Variants in EXOC6B observed in about 807,000 individuals in gnomAD.
EXOC6B encodes the protein exocyst complex component 6B.
Under a neutral mutation model 113.5 loss-of-function variants are expected in EXOC6B, and 54 were observed. The ratio of observed to expected loss-of-function variants is 0.48; its 90% CI spans 0.38 to 0.60. The LOEUF (loss-of-function observed/expected upper bound fraction) is 0.60. Among genes scored for constraint, EXOC6B ranks in the 20% least tolerant of loss-of-function variants. The pLI is 0.00. For missense variants in EXOC6B, 797 were observed against 977.5 expected, an observed-to-expected ratio of 0.82 and a Z score of 2.46; for synonymous variants, 357 against 339.0, an observed-to-expected ratio of 1.05 and a Z score of -0.58.
intron 18 of EXOC6B, among the ~76,000 whole-genome samples, chr2:72,407,409 C>A: frequency 6.6e-6 from 1 of 151,970 alleles, no homozygotes; most frequent in South Asian, 2.1e-4. Flanking sequence ...AGAGACATAA[C>A]AAAAAAAGAG....
chr2:72,390,924 A>T (rs1290067222), intron 18 of EXOC6B, among the ~76,000 whole-genome samples: 1 of 152,220 alleles, frequency 6.6e-6, no homozygotes, highest in East Asian at 1.9e-4. Flanking sequence ...ATTCAGCCAA[A>T]GCCTCAAAAG....
chr2:72,514,569 T>G (rs1275890760), intron 10 of EXOC6B, 65 bp downstream of exon 10: 1 of 277,978 alleles, frequency 3.6e-6, no homozygotes, highest in Non-Finnish European at 6.2e-6. Context: ...GGAAAGAGTA[T>G]AAATTTCAAT....
chr2:72,800,347 A>G (rs1260734559), intron 1 of EXOC6B, among the ~76,000 whole-genome samples: 3 of 152,174 alleles, frequency 2.0e-5, no homozygotes, highest in African/African-American at 7.2e-5. Context: ...GGAAAGATAA[A>G]TTGATTTGAC....
At chr2:72,386,532 T>C (rs368818498) in intron 18 of EXOC6B, among the ~76,000 whole-genome samples, 38 of 152,216 alleles carry the variant, frequency 2.5e-4, no homozygotes, top group Non-Finnish European at 5.3e-4. Flanking sequence ...CACTACCCTG[T>C]GCAGCCTCAA....
At chr2:72,395,700 C>A (rs1271367518) in intron 18 of EXOC6B, among the ~76,000 whole-genome samples, 1 of 152,058 alleles carries the variant, frequency 6.6e-6, no homozygotes, top group Non-Finnish European at 1.5e-5. Context: ...TTCATATTAA[C>A]TTAGGGTCAA....
intron 18 of EXOC6B, among the ~76,000 whole-genome samples, chr2:72,395,369 C>T (rs1692658611): frequency 6.6e-6 from 1 of 152,128 alleles, no homozygotes; most frequent in African/African-American, 2.4e-5. Context: ...GGTCAATACC[C>T]TAAATAAGAG....
intron 6 of EXOC6B, among the ~76,000 whole-genome samples, chr2:72,683,844 T>C (rs1440472108): frequency 6.6e-6 from 1 of 152,154 alleles, no homozygotes; most frequent in East Asian, 1.9e-4. Context: ...TCATTCCACC[T>C]TTTTTTCTTT....
chr2:72,313,553 C>A (rs1345461322), intron 20 of EXOC6B, among the ~76,000 whole-genome samples: 1 of 151,876 alleles, frequency 6.6e-6, no homozygotes, highest in Non-Finnish European at 1.5e-5. Flanking sequence ...TGTAAAATTA[C>A]CACTAGATTC....
At chr2:72,322,843 G>C (rs1356019434) in intron 20 of EXOC6B, among the ~76,000 whole-genome samples, 1 of 152,116 alleles carries the variant, frequency 6.6e-6, no homozygotes, top group Non-Finnish European at 1.5e-5. Flanking sequence ...ATTAACTCAA[G>C]CTGGATTAAA....
At chr2:72,297,745 A>T (rs1686229071) in intron 20 of EXOC6B, among the ~76,000 whole-genome samples, 1 of 152,068 alleles carries the variant, frequency 6.6e-6, no homozygotes, top group Admixed American at 6.5e-5. Context: ...TAATTTTGTT[A>T]TTTACCCAGT....
At chr2:72,646,921 A>G (rs1242530571) in intron 6 of EXOC6B, among the ~76,000 whole-genome samples, 1 of 152,200 alleles carries the variant, frequency 6.6e-6, no homozygotes, top group African/African-American at 2.4e-5. Flanking sequence ...CACCACTCCT[A>G]TTCAACATAA....
intron 18 of EXOC6B, among the ~76,000 whole-genome samples, chr2:72,430,806 T>A (rs1249524195): frequency 6.6e-6 from 1 of 152,214 alleles, no homozygotes; most frequent in African/African-American, 2.4e-5. Flanking sequence ...GAAGAATTCC[T>A]AAATGTCACT....
intron 1 of EXOC6B, among the ~76,000 whole-genome samples, chr2:72,799,147 G>GGA (rs1292779353): frequency 6.8e-6 from 1 of 147,700 alleles, no homozygotes; most frequent in Non-Finnish European, 1.5e-5. Flanking sequence ...GGCTGAGGCA[G>GGA]GAGAATCGCT....
intron 6 of EXOC6B, among the ~76,000 whole-genome samples, chr2:72,686,505 AG>A (rs1202333329): frequency 2.0e-5 from 3 of 152,346 alleles, no homozygotes; most frequent in East Asian, 3.9e-4. Flanking sequence ...CTTATGAATA[AG>A]GTACAGATTT....
At chr2:72,263,607 T>G (rs1170213698) in intron 20 of EXOC6B, among the ~76,000 whole-genome samples, 1 of 152,206 alleles carries the variant, frequency 6.6e-6, no homozygotes, top group Non-Finnish European at 1.5e-5. Flanking sequence ...AATTGTCTAT[T>G]CTTTCCCAAA....
At chr2:72,213,453 T>C (rs910004498) in intron 20 of EXOC6B, among the ~76,000 whole-genome samples, 9 of 141,456 alleles carry the variant, frequency 6.4e-5, no homozygotes, top group Non-Finnish European at 1.1e-4. Flanking sequence ...GCCATCTGTT[T>C]TGTAAACTTA....
intron 18 of EXOC6B, among the ~76,000 whole-genome samples, chr2:72,410,563 A>G (rs578223195): frequency 2.0e-4 from 31 of 152,364 alleles, no homozygotes; most frequent in African/African-American, 6.5e-4. Context: ...GTATGAAAAC[A>G]GTCTTACAAT....
At chr2:72,339,188 A>T (rs1412299068) in intron 19 of EXOC6B, among the ~76,000 whole-genome samples, 1 of 152,106 alleles carries the variant, frequency 6.6e-6, no homozygotes, top group African/African-American at 2.4e-5. Flanking sequence ...TGCATCCACA[A>T]ATTGATTATA....
chr2:72,257,622 G>C (rs1467415764), intron 20 of EXOC6B, among the ~76,000 whole-genome samples: 1 of 152,174 alleles, frequency 6.6e-6, no homozygotes, highest in Non-Finnish European at 1.5e-5. Context: ...ATGTCTGTCA[G>C]CTACCAGAAT....
Sources: allele counts gnomAD v4.1 joint callset (sites outside exome capture counted in the v4.1 genomes callset), GRCh38; gene constraint gnomAD v4.1.1; transcripts MANE v1.5; gene names NCBI Gene and HGNC (gene_info 2026-07-23, HGNC 2026-07-21).